The following PAK1 variants were observed in gnomAD, a reference collection of about 807,000 sequenced individuals.
PAK1 encodes the protein serine/threonine-protein kinase PAK 1.
Under a neutral mutation model 67.4 loss-of-function variants are expected in PAK1, and 29 were observed. That is an observed-to-expected ratio of 0.43 (90% CI 0.32 to 0.59). The LOEUF is 0.59. Among genes scored for constraint, PAK1 ranks in the 20% least tolerant of loss-of-function variants. PAK1 has a pLI of 0.07. For missense variants in PAK1, 337 were observed against 670.7 expected (o/e 0.50, Z 5.50); for synonymous variants, 223 against 237.4 (o/e 0.94, Z 0.56).
chr11:77,330,317 G>A (rs1235238933), intron 14 of PAK1, among the ~76,000 whole-genome samples: 4 of 152,020 alleles, frequency 2.6e-5, no homozygotes, highest in South Asian at 2.1e-4. Context: ...AAAAGAGCCC[G>A]CATCGCCGAG....
intron 5 of PAK1, among the ~76,000 whole-genome samples, chr11:77,369,443 T>TC (rs1948096643): frequency 7.9e-6 from 1 of 126,888 alleles, no homozygotes; most frequent in Non-Finnish European, 1.6e-5. Context: ...CTTATACATT[T>TC]CTTTTTTTTT....
the PAK1 span, among the ~76,000 whole-genome samples, chr11:77,511,913 G>A: frequency 3.9e-5 from 6 of 152,128 alleles, no homozygotes; most frequent in African/African-American, 1.4e-4. Flanking sequence ...AAGGGGTTGG[G>A]GGGCGTTCCA....
At chr11:77,405,993 C>G (rs148810803) in intron 1 of PAK1, among the ~76,000 whole-genome samples, 194 of 152,252 alleles carry the variant, frequency 1.3e-3, no homozygotes, top group African/African-American at 4.4e-3. Flanking sequence ...ACTCTACTTT[C>G]CTGTCTTCTA....
chr11:77,427,717 C>A (rs764788011), intron 1 of PAK1, among the ~76,000 whole-genome samples: 1 of 151,920 alleles, frequency 6.6e-6, no homozygotes, highest in Non-Finnish European at 1.5e-5. Flanking sequence ...ATGTAAACAG[C>A]TGATTGTGAA....
chr11:77,458,006 T>C (rs1957155852), intron 1 of PAK1, among the ~76,000 whole-genome samples: 1 of 152,224 alleles, frequency 6.6e-6, no homozygotes, highest in Non-Finnish European at 1.5e-5. Context: ...GTAGCCATCA[T>C]AGGAATATAA....
Position 77,379,243 on chromosome 11 carries a change from G to C in PAK1, c.437C>G (p.Thr146Arg), listed in dbSNP as rs1214376227. ...TSNSQKYMSF[T>R]DKSAEDYNSS... Reference sequence around the variant, plus strand: ...TGCCCTGGACGCAGTTCTCATACCTGTAAAGCTCATGTATTTCTGGCTGTT... The same window carrying C: ...TGCCCTGGACGCAGTTCTCATACCTCTAAAGCTCATGTATTTCTGGCTGTT... The change falls in exon 4 of 15, where the codon ACA becomes AGA. Residue 146 changes from threonine to arginine, a missense_variant and splice_region_variant. Thr to Arg is a moderately conservative substitution (Grantham distance 71). Coordinates refer to ENST00000356341, the MANE Select transcript of PAK1 (RefSeq NM_002576.5). 1 of 1,611,562 alleles carries C rather than the reference G, an allele frequency of 6.2e-7. No homozygotes were observed. Among genetic ancestry groups the C allele is most frequent in the Non-Finnish European group, 8.5e-7 (1 of 1,178,670 alleles).
chr11:77,332,814 C>A lies in PAK1; in HGVS notation c.1467G>T (p.Lys489Asn). The A allele has an allele frequency of 6.2e-7, 1 of 1,613,380 alleles. No individual in the cohort carries two copies. Among genetic ancestry groups the A allele is most frequent in the Non-Finnish European group, 8.5e-7 (1 of 1,179,344 alleles). ...NGTPELQNPE[K>N]LSAIFRDFLN... ...GAAAGTCCCGGAAGATAGCTGACAG[C>A]TTCTCTGGGTTCTGAAGTTCTGGGG... The change falls in exon 14 of 15, where the codon AAG (lysine) becomes AAT (asparagine). Residue 489 changes from lysine (K) to asparagine (N), a missense_variant. Lys to Asn is a moderately conservative substitution (Grantham distance 94, BLOSUM62 0). Transcript: ENST00000356341.
intron 1 of PAK1, among the ~76,000 whole-genome samples, chr11:77,437,765 C>A (rs989532787): frequency 6.6e-5 from 10 of 152,170 alleles, no homozygotes; most frequent in Non-Finnish European, 1.3e-4. Context: ...AACAAAAGTT[C>A]TCTCGTGAAC....
intron 1 of PAK1, among the ~76,000 whole-genome samples, chr11:77,432,436 A>G (rs1955902979): frequency 6.6e-6 from 1 of 151,900 alleles, no homozygotes; most frequent in Non-Finnish European, 1.5e-5. Flanking sequence ...TGGTCAGAGC[A>G]ATTAGGTGGA....
intron 1 of PAK1, among the ~76,000 whole-genome samples, chr11:77,444,659 G>A (rs1168654401): frequency 6.6e-6 from 1 of 152,180 alleles, no homozygotes; most frequent in African/African-American, 2.4e-5. Flanking sequence ...TAATGGTCAT[G>A]ACTAGAAATG....
At chr11:77,498,165 C>T in the PAK1 span, among the ~76,000 whole-genome samples, 3 of 152,262 alleles carry the variant, frequency 2.0e-5, no homozygotes, top group South Asian at 4.1e-4. Flanking sequence ...AATAATATTA[C>T]ATTAATGTTA....
chr11:77,340,231 T>G (rs1477581988), intron 11 of PAK1, among the ~76,000 whole-genome samples: 1 of 152,168 alleles, frequency 6.6e-6, no homozygotes, highest in Non-Finnish European at 1.5e-5. Flanking sequence ...TAGTACTTCC[T>G]CCATCACTAC....
chr11:77,399,731 C>A (rs1952367086), intron 1 of PAK1, among the ~76,000 whole-genome samples: 1 of 148,172 alleles, frequency 6.7e-6, no homozygotes, highest in Non-Finnish European at 1.5e-5. Context: ...TAGTGGCGGG[C>A]GCCTGTAGTC....
chr11:77,401,455 C>T (rs978099742), intron 1 of PAK1, among the ~76,000 whole-genome samples: 3 of 152,206 alleles, frequency 2.0e-5, no homozygotes, highest in African/African-American at 7.2e-5. Context: ...GCAAACAAGA[C>T]TACCTACTTT....
chr11:77,356,087 T>C (rs2136521443), intron 6 of PAK1: 1 of 345,418 alleles, frequency 2.9e-6, no homozygotes, highest in South Asian at 1.0e-4. Flanking sequence ...CAATAGAGGC[T>C]AGACAACTAT....
upstream of PAK1, chr11:77,477,018 T>C (rs527957021): frequency 2.6e-5 from 4 of 152,296 alleles, no homozygotes; most frequent in Admixed American, 6.5e-5. Context: ...AAATGTGTAT[T>C]GTTTTAAGCC....
At chr11:77,416,970 C>T (rs1029783977) in intron 1 of PAK1, among the ~76,000 whole-genome samples, 4 of 151,438 alleles carry the variant, frequency 2.6e-5, no homozygotes, top group African/African-American at 4.9e-5. Flanking sequence ...AAAAAAAGTA[C>T]ATATGTGTTC....
At chr11:77,517,052 C>T in the PAK1 span, among the ~76,000 whole-genome samples, 5 of 151,966 alleles carry the variant, frequency 3.3e-5, no homozygotes, top group Admixed American at 6.6e-5. Flanking sequence ...AAAAATAAGG[C>T]AATTTATTGC....
At chr11:77,417,192 T>C (rs1341389978) in intron 1 of PAK1, among the ~76,000 whole-genome samples, 1 of 152,202 alleles carries the variant, frequency 6.6e-6, no homozygotes, top group African/African-American at 2.4e-5. Flanking sequence ...CATGAATGTT[T>C]ATTGCAGTTT....
Sources: gnomAD v4.1 joint callset for allele counts (sites outside exome capture counted in the v4.1 genomes callset) on GRCh38, gnomAD v4.1.1 for gene constraint, MANE v1.5 for transcripts, NCBI Gene and HGNC (gene_info 2026-07-23, HGNC 2026-07-21) for gene names.